Variants in CLNS1A observed in about 807,000 individuals in gnomAD.
The protein encoded by CLNS1A is methylosome subunit pICln.
In CLNS1A, 16 loss-of-function variants were observed where a neutral mutation model predicts 29.4. That is an observed-to-expected ratio of 0.54 (90% CI 0.37 to 0.83). CLNS1A has a LOEUF of 0.83. Among genes scored for constraint, CLNS1A ranks in the 40% least tolerant of loss-of-function variants. The probability of loss-of-function intolerance (pLI) is 0.00; values close to 1 mark genes in which losing one functional copy is unlikely to be tolerated. For synonymous variants in CLNS1A, 96 were observed against 104.8 expected, an observed-to-expected ratio of 0.92 and a Z score of 0.51; for missense variants, 235 against 287.4, an observed-to-expected ratio of 0.82 and a Z score of 1.32.
At chr11:77,621,279 C>G (rs978971648) in intron 5 of CLNS1A, among the ~76,000 whole-genome samples, 1 of 134,792 alleles carries the variant, frequency 7.4e-6, no homozygotes, top group Non-Finnish European at 1.6e-5. Flanking sequence ...GACGACAGAG[C>G]AAGACTCTGT....
intron 1 of CLNS1A, among the ~76,000 whole-genome samples, chr11:77,630,710 G>A (rs530117288): frequency 6.6e-6 from 1 of 152,062 alleles, no homozygotes; most frequent in Non-Finnish European, 1.5e-5. Flanking sequence ...GTAGAGGCTA[G>A]CTAATTTTCT....
In CLNS1A at chr11:77,625,047, A is replaced by G. The variant is rs768203603; in HGVS notation, c.388T>C (p.Cys130Arg). Residue 130 changes from cysteine to arginine, a missense_variant, in exon 4 of 7, where the codon TGC becomes CGC. Coordinates refer to ENST00000525428, the MANE Select transcript of CLNS1A (RefSeq NM_001293.3). ...SALEAMFTAM[C>R]ECQALHPDPE... ...TCTGGATGCAAGGCCTGGCATTCGC[A>G]CATTGCAGTGAACATTGCCTCCACT... The G allele has an allele frequency of 1.9e-6, 3 of 1,613,474 alleles. No individual in the cohort carries two copies. Among genetic ancestry groups the G allele is most frequent in the Non-Finnish European group, 2.5e-6 (3 of 1,179,544 alleles).
chr11:77,635,812 G>C (rs1959119146), intron 1 of CLNS1A, among the ~76,000 whole-genome samples: 1 of 152,206 alleles, frequency 6.6e-6, no homozygotes, highest in African/African-American at 2.4e-5. Flanking sequence ...CCACTTCAAA[G>C]AAACTGCTTT....
chr11:77,629,842 A>T lies in CLNS1A; in HGVS notation c.183T>A (p.Ile61=), dbSNP rs1257731162. ...GLGFSLEYPT[I]SLHALSRDRS... ...GGTCCCTGGATAATGCATGTAAACT[A>T]ATGGTGGGGTATTCCAGTGAGAATC... Residue 61 remains isoleucine (I), a synonymous_variant, in exon 2 of 7, where the codon ATT becomes ATA. Transcript: ENST00000525428. The T allele has an allele frequency of 6.2e-7, 1 of 1,613,736 alleles. No individual in the cohort carries two copies.
At chr11:77,623,875 G>T (rs78555955) in intron 4 of CLNS1A, among the ~76,000 whole-genome samples, 1,716 of 152,316 alleles carry the variant, frequency 0.011, 25 homozygotes, top group African/African-American at 0.04. Context: ...ATTCTGGTCT[G>T]GGGGAGGCAA....
chr11:77,621,994 G>A (rs762976147), intron 5 of CLNS1A: 29 of 456,096 alleles, frequency 6.4e-5, no homozygotes, highest in Non-Finnish European at 1.1e-4. Context: ...CTTCAGTCAC[G>A]TGGGCCAATT....
Position 77,628,347 on chromosome 11 carries a change from T to C in CLNS1A, c.262+1416A>G, listed in dbSNP as rs891726000. On this transcript the variant is annotated intron_variant, in intron 2 of 6. Transcript: ENST00000525428. ...AACTAAACATGACACATAATATTCTTGGTTATAAAATCATAGTTGCATTTA... is the reference window on the plus strand; with the variant it reads ...AACTAAACATGACACATAATATTCTCGGTTATAAAATCATAGTTGCATTTA... Among the ~76,000 whole-genome samples, 5 of 152,210 alleles carry C rather than the reference T, an allele frequency of 3.3e-5. No homozygotes were observed. The South Asian group carries it at 1.0e-3, about 32-fold the overall frequency.
intron 3 of CLNS1A, chr11:77,625,389 C>T: frequency 9.0e-6 from 4 of 445,228 alleles, no homozygotes; most frequent in Non-Finnish European, 1.6e-5. Flanking sequence ...ATCCTGAGAT[C>T]TTCCACTTTA....
chr11:77,626,174 C>T (rs955145274), intron 2 of CLNS1A, among the ~76,000 whole-genome samples: 2 of 152,146 alleles, frequency 1.3e-5, no homozygotes, highest in African/African-American at 4.8e-5. Flanking sequence ...ACACCCTTGC[C>T]CTCTCAGGCC....
chr11:77,617,032 T>A (rs749145876), intron 6 of CLNS1A, among the ~76,000 whole-genome samples: 53 of 152,218 alleles, frequency 3.5e-4, no homozygotes, highest in Non-Finnish European at 3.7e-4. Flanking sequence ...AATTATTTAT[T>A]CCTTATTCAT....
rs1195905471 is a variant in CLNS1A, at chr11:77,615,382, TATG to T, written c.*1333_*1335del. The T allele has an allele frequency of 6.6e-6, 1 of 152,192 alleles. No individual in the cohort carries two copies. Among genetic ancestry groups the T allele is most frequent in the Admixed American group, 6.5e-5 (1 of 15,274 alleles). 9.4% of individuals were successfully genotyped at this position (152,192 alleles called of 1,614,324 possible). A position where few individuals can be genotyped will look rare whatever the true frequency, so the allele number is the denominator to read the frequency against. On this transcript the variant is annotated 3_prime_UTR_variant, in exon 7 of 7. Coordinates refer to ENST00000525428, the MANE Select transcript of CLNS1A (RefSeq NM_001293.3). ...CTGCTGCTGGTAGGTGGTAAGGCTG[TATG>T]ATGTTTTAAAGCACAGGCTCAAAAA...
chr11:77,630,261 G>A (rs7109527), intron 1 of CLNS1A, among the ~76,000 whole-genome samples: 26,162 of 151,998 alleles, frequency 0.17, 2,805 homozygotes, highest in African/African-American at 0.28. Context: ...AACTACACCA[G>A]TCCATAAAGA....
chr11:77,628,932 T>C (rs1468007440), intron 2 of CLNS1A, among the ~76,000 whole-genome samples: 1 of 152,196 alleles, frequency 6.6e-6, no homozygotes, highest in African/African-American at 2.4e-5. Context: ...TTTAGTATAA[T>C]AATAGCATCC....
intron 1 of CLNS1A, among the ~76,000 whole-genome samples, chr11:77,633,954 G>A (rs1590804560): frequency 1.3e-5 from 2 of 151,982 alleles, no homozygotes; most frequent in African/African-American, 4.8e-5. Context: ...TACAAAATTA[G>A]CCAGGCATGG....
intron 4 of CLNS1A, 95 bp downstream of exon 4, chr11:77,624,868 T>C (rs2135766669): frequency 1.4e-6 from 1 of 735,722 alleles, no homozygotes; most frequent in Non-Finnish European, 2.3e-6. Flanking sequence ...TACAGTCATA[T>C]AAAGAACTAT....
chr11:77,634,567 T>C (rs1959104728), intron 1 of CLNS1A, among the ~76,000 whole-genome samples: 1 of 151,668 alleles, frequency 6.6e-6, no homozygotes, highest in Non-Finnish European at 1.5e-5. Flanking sequence ...CTACTAAAAA[T>C]ACAAAAATTA....
chr11:77,629,941 T>A (rs1354845765), intron 1 of CLNS1A, 42 bp from the exon 2 acceptor site: 1 of 1,599,692 alleles, frequency 6.3e-7, no homozygotes, highest in Admixed American at 1.7e-5. Context: ...AGAAAGTAAA[T>A]CCTCATGTAA....
intron 4 of CLNS1A, among the ~76,000 whole-genome samples, chr11:77,623,863 G>A (rs941707971): frequency 1.3e-5 from 2 of 152,212 alleles, no homozygotes; most frequent in African/African-American, 4.8e-5. Flanking sequence ...GCTAGTGACT[G>A]CATTCTGGTC....
At position 77,637,577 on chromosome 11, in the gene CLNS1A, C is replaced by T; in HGVS notation, c.125+13G>A. 6.3e-7 allele frequency: 1 copy of T among 1,597,640 alleles called. No homozygotes were observed. The highest frequency in any genetic ancestry group is 8.5e-7 in the Non-Finnish European group (1 of 1,172,690). ...GCGCGCAGGAGGCCAGCGCTGGGGA[C>T]CAGGAACCCTACCTCTCAGCGATGT... On this transcript the variant is annotated intron_variant, in intron 1 of 6. Transcript: ENST00000525428.
Sources: gnomAD v4.1 joint callset for allele counts (sites outside exome capture counted in the v4.1 genomes callset) on GRCh38, gnomAD v4.1.1 for gene constraint, MANE v1.5 for transcripts, NCBI Gene and HGNC (gene_info 2026-07-23, HGNC 2026-07-21) for gene names.